Variants in SOX30 observed in about 807,000 individuals in gnomAD.
SOX30 encodes the protein transcription factor SOX-30.
In SOX30, 17 loss-of-function variants were observed where a neutral mutation model predicts 58.6. That is an observed-to-expected ratio of 0.29 (90% CI 0.20 to 0.44). The LOEUF is 0.44. Among genes scored for constraint, SOX30 ranks in the 20% least tolerant of loss-of-function variants. The probability of loss-of-function intolerance (pLI) is 1.00; values close to 1 mark genes in which losing one functional copy is unlikely to be tolerated. For synonymous variants in SOX30, 421 were observed against 400.2 expected (o/e 1.05, Z -0.62); for missense variants, 951 against 965.8 (o/e 0.98, Z 0.20).
intron 4 of SOX30, among the ~76,000 whole-genome samples, chr5:157,635,628 AAAAAAC>A (rs369422470): frequency 2.0e-5 from 3 of 151,694 alleles, no homozygotes; most frequent in South Asian, 4.2e-4. Flanking sequence ...TGTCTCAAAA[AAAAAAC>A]AAAAACAAAA....
At chr5:157,634,153 C>A (rs1445022038) in intron 4 of SOX30, among the ~76,000 whole-genome samples, 11 of 152,206 alleles carry the variant, frequency 7.2e-5, no homozygotes, top group African/African-American at 1.9e-4. Flanking sequence ...GATTAAACCA[C>A]CTAGCCTACT....
intron 3 of SOX30, among the ~76,000 whole-genome samples, chr5:157,642,107 G>A (rs1337578966): frequency 1.3e-5 from 2 of 152,046 alleles, no homozygotes; most frequent in South Asian, 2.1e-4. Flanking sequence ...CTTGAGTCCA[G>A]GAGTTCAAGA....
At chr5:157,649,620 T>C (rs1003591408) in intron 1 of SOX30, among the ~76,000 whole-genome samples, 1 of 151,968 alleles carries the variant, frequency 6.6e-6, no homozygotes, top group African/African-American at 2.4e-5. Context: ...TGAAACCCCA[T>C]CTCTACTGAA....
Position 157,668,040 on chromosome 5 carries a change from C to A in SOX30, c.-3-188G>T, listed in dbSNP as rs184186688. Among the ~76,000 whole-genome samples the A allele has an allele frequency of 2.5e-3, 385 of 152,314 alleles. 2 individuals are homozygous for A. The highest frequency in any genetic ancestry group is 2.7e-3 in the Non-Finnish European group (185 of 68,028). The stretch of plus-strand genomic sequence containing the variant: ...GATGTGAACCAGGCCATACGATGCA[C>A]AGGGCGTGCTCTTCCCATGCCAGGC... On this transcript the variant is annotated intron_variant, in intron 1 of 5. Coordinates refer to the SOX30 transcript ENST00000519442.
intron 3 of SOX30, among the ~76,000 whole-genome samples, chr5:157,638,945 T>C (rs1286833031): frequency 6.6e-6 from 1 of 152,194 alleles, no homozygotes; most frequent in East Asian, 1.9e-4. Context: ...CTCTCTCAAC[T>C]AGACTCTAAG....
At chr5:157,626,858 C>G (rs1422958120) in intron 4 of SOX30, 137 bp from the exon 5 acceptor site, 2 of 931,588 alleles carry the variant, frequency 2.1e-6, no homozygotes, top group Non-Finnish European at 3.1e-6. Flanking sequence ...TATTCCTCTG[C>G]TCTTTTCCCA....
intron 3 of SOX30, among the ~76,000 whole-genome samples, chr5:157,646,062 T>C (rs891361761): frequency 6.6e-6 from 1 of 151,106 alleles, no homozygotes; most frequent in African/African-American, 2.4e-5. Context: ...CAATGATGGA[T>C]AGCCCTATAA....
At chr5:157,628,633 C>T (rs1459255283) in intron 4 of SOX30, among the ~76,000 whole-genome samples, 3 of 150,348 alleles carry the variant, frequency 2.0e-5, no homozygotes, top group Non-Finnish European at 4.4e-5. Context: ...GTCCTGAATA[C>T]ACTGTGCTTC....
chr5:157,653,283 A>G (rs573737356), upstream of SOX30, among the ~76,000 whole-genome samples: 10 of 152,274 alleles, frequency 6.6e-5, no homozygotes, highest in Non-Finnish European at 8.8e-5. Flanking sequence ...TTATACCTCT[A>G]TCACTTGGTT....
chr5:157,646,331 TC>T (rs1759192868), intron 3 of SOX30, among the ~76,000 whole-genome samples: 1 of 152,188 alleles, frequency 6.6e-6, no homozygotes, highest in African/African-American at 2.4e-5. Context: ...AAAAAGACTC[TC>T]CTTTTTCCTA....
At chr5:157,633,553 T>C (rs1758860271) in intron 4 of SOX30, among the ~76,000 whole-genome samples, 1 of 152,248 alleles carries the variant, frequency 6.6e-6, no homozygotes, top group Non-Finnish European at 1.5e-5. Context: ...TATCATGTTT[T>C]GGGACTGTTA....
intron 2 of SOX30, among the ~76,000 whole-genome samples, chr5:157,658,890 C>G (rs1366399907): frequency 6.6e-6 from 1 of 152,150 alleles, no homozygotes; most frequent in African/African-American, 2.4e-5. Flanking sequence ...GCATAAAATA[C>G]AGGTCATAAA....
rs753545493 is a variant in SOX30 at position 157,651,662 on chromosome 5, C to T, written c.417G>A (p.Lys139=). The T allele has an allele frequency of 2.5e-6, 4 of 1,610,594 alleles. No homozygotes were observed. The Admixed American group carries it at 5.0e-5, about 20-fold the overall frequency. ...QPLALHVKAK[K]QKLGPSLDQS... ...GATCCAGGCTGGGCCCCAGCTTCTG[C>T]TTCTTGGCCTTGACATGCAGCGCCA... The change falls in exon 1 of 5, where the codon AAG becomes AAA. Residue 139 remains lysine, a synonymous_variant. Coordinates refer to ENST00000265007, the MANE Select transcript of SOX30 (RefSeq NM_178424.2).
upstream of SOX30, among the ~76,000 whole-genome samples, chr5:157,653,332 A>G (rs559469401): frequency 8.0e-6 from 1 of 125,332 alleles, no homozygotes; most frequent in South Asian, 2.5e-4. Flanking sequence ...TCATGTGATG[A>G]TTCCACTGCC....
chr5:157,669,018 T>C (rs566343521), intron 1 of SOX30, among the ~76,000 whole-genome samples: 1 of 152,234 alleles, frequency 6.6e-6, no homozygotes, highest in Non-Finnish European at 1.5e-5. Flanking sequence ...GGAAAGCATT[T>C]TGACAGGTGA....
At chr5:157,649,148 T>TA (rs924194255) in intron 1 of SOX30, among the ~76,000 whole-genome samples, 4 of 152,114 alleles carry the variant, frequency 2.6e-5, no homozygotes, top group African/African-American at 9.7e-5. Flanking sequence ...ACTGTGGCAA[T>TA]AATCATGTTG....
At chr5:157,659,845 T>C (rs1210077949) in intron 2 of SOX30, among the ~76,000 whole-genome samples, 1 of 152,208 alleles carries the variant, frequency 6.6e-6, no homozygotes, top group East Asian at 1.9e-4. Context: ...TGAATGGCAA[T>C]TGGTTGAAAG....
chr5:157,669,780 A>G (rs562146603), intron 1 of SOX30, among the ~76,000 whole-genome samples: 41 of 152,238 alleles, frequency 2.7e-4, no homozygotes, highest in African/African-American at 9.4e-4. Context: ...TAGCCTCACA[A>G]AGTGCAGGGA....
In SOX30 at chr5:157,651,915, C is replaced by A. The variant is rs1216835976; in HGVS notation, c.164G>T (p.Cys55Phe). ...TAAGCCGGACGCCACTGCCTCCCCG[C>A]ACGACGAGGCCAAGGTCGCACTGGC... is the stretch of plus-strand genomic sequence containing the variant. ...AAASATLASS[C>F]GEAVASGLQP... is the part of the protein sequence containing the mutation. Residue 55 changes from cysteine (C) to phenylalanine (F), a missense_variant, in exon 1 of 5, where the codon TGC becomes TTC. Around this residue, in one of 7 missense-constraint regions of SOX30, gnomAD observed 363 missense variants for 294.5 expected, o/e 1.23. Transcript: ENST00000265007. 1.3e-6 allele frequency: 2 copies of A among 1,516,192 alleles called. No homozygotes were observed. Among genetic ancestry groups the A allele is most frequent in the South Asian group, 1.3e-5 (1 of 78,430 alleles). The allele number at this position is 1,516,192 out of a possible 1,614,324, so 93.9% of individuals were successfully genotyped here. A position where few individuals can be genotyped will look rare whatever the true frequency, so the allele number is the denominator to read the frequency against.
Sources: allele counts gnomAD v4.1 joint callset (sites outside exome capture counted in the v4.1 genomes callset), GRCh38; gene constraint gnomAD v4.1.1; regional missense constraint gnomAD v4.1.1; transcripts MANE v1.5; gene names NCBI Gene and HGNC (gene_info 2026-07-23, HGNC 2026-07-21).